Variants in RNF13 observed in about 807,000 individuals in gnomAD.
The protein encoded by RNF13 is E3 ubiquitin-protein ligase RNF13.
In RNF13, 19 loss-of-function variants were observed where a neutral mutation model predicts 37.7. The ratio of observed to expected loss-of-function variants is 0.50; its 90% CI spans 0.35 to 0.74. The LOEUF (loss-of-function observed/expected upper bound fraction) is 0.74. RNF13 is among the 30% of genes least tolerant of loss of function. The pLI, the probability that RNF13 is intolerant of heterozygous loss-of-function variation, is 0.01. For synonymous variants in RNF13, 144 were observed against 157.8 expected (o/e 0.91, Z 0.65); for missense variants, 375 against 453.0 (o/e 0.83, Z 1.56).
intron 3 of RNF13, among the ~76,000 whole-genome samples, chr3:149,867,601 CTGTTT>C (rs1472251122): frequency 6.6e-6 from 1 of 151,662 alleles, no homozygotes; most frequent in East Asian, 1.9e-4. Flanking sequence ...GATTTGTAGT[CTGTTT>C]TATCTGATGT....
chr3:149,941,448 A>T (rs1720260023), intron 8 of RNF13, among the ~76,000 whole-genome samples: 1 of 151,784 alleles, frequency 6.6e-6, no homozygotes, highest in Non-Finnish European at 1.5e-5. Context: ...GATGATGAGC[A>T]TCTTTTCAAG....
intron 5 of RNF13, among the ~76,000 whole-genome samples, chr3:149,898,064 A>G (rs1715454405): frequency 6.6e-6 from 1 of 152,206 alleles, no homozygotes; most frequent in African/African-American, 2.4e-5. Flanking sequence ...GCCCTCAGGA[A>G]AGTTACTTAA....
At chr3:149,858,194 C>G (rs976648076) in intron 3 of RNF13, among the ~76,000 whole-genome samples, 1 of 152,166 alleles carries the variant, frequency 6.6e-6, no homozygotes, top group African/African-American at 2.4e-5. Flanking sequence ...CCTGCACAAC[C>G]ATGAGCTAAA....
chr3:149,880,477 T>G (rs1273353109), intron 4 of RNF13, among the ~76,000 whole-genome samples: 1 of 152,180 alleles, frequency 6.6e-6, no homozygotes, highest in African/African-American at 2.4e-5. Context: ...GTATAGTTTA[T>G]TTTAACTGGT....
In RNF13 at chr3:149,835,217, A is replaced by G. The variant is rs538302494; in HGVS notation, c.-16-10794A>G. On this transcript the variant is annotated intron_variant, in intron 1 of 9. Coordinates refer to ENST00000392894, the MANE Select transcript of RNF13 (RefSeq NM_183381.3). ...TTGTGCATTGAAGGACAGTACCAAC[A>G]GGGTGAAAAAAATGAGAGAAAATAC... 1.5e-4 allele frequency among the ~76,000 whole-genome samples: 23 copies of G among 152,354 alleles called. No homozygotes were observed. In the East Asian group the frequency reaches 4.0e-3, roughly 27 times the overall value.
chr3:149,935,538 G>C (rs891780095), intron 8 of RNF13, among the ~76,000 whole-genome samples: 1 of 151,030 alleles, frequency 6.6e-6, no homozygotes, highest in East Asian at 1.9e-4. Context: ...TTTATTTTTA[G>C]TGTTACCTAT....
chr3:149,872,367 G>A (rs1712170242), intron 4 of RNF13, among the ~76,000 whole-genome samples: 1 of 152,150 alleles, frequency 6.6e-6, no homozygotes, highest in African/African-American at 2.4e-5. Context: ...ACAGTGGAAT[G>A]TTACTTGATC....
chr3:149,951,372 T>C (rs1223084450), intron 8 of RNF13, among the ~76,000 whole-genome samples: 1 of 152,226 alleles, frequency 6.6e-6, no homozygotes, highest in Non-Finnish European at 1.5e-5. Flanking sequence ...ACCATGGCTA[T>C]GGTTCCTAAG....
In RNF13 at chr3:149,926,052, G is replaced by A. The variant is rs553395686; in HGVS notation, c.700+4825G>A. ...ATGCCCGTGTGTCTGTTTCATATAT[G>A]GGAGGAATTCTTTATATGTTCCTAC... On this transcript the variant is annotated intron_variant, in intron 8 of 9. Transcript: ENST00000392894. Among the ~76,000 whole-genome samples the A allele has an allele frequency of 6.6e-4, 101 of 152,250 alleles. 1 individual carries two copies. Among genetic ancestry groups the A allele is most frequent in the African/African-American group, 2.4e-3 (98 of 41,544 alleles).
chr3:149,937,915 TGAA>T (rs1003531877), intron 8 of RNF13, among the ~76,000 whole-genome samples: 1 of 152,044 alleles, frequency 6.6e-6, no homozygotes, highest in African/African-American at 2.4e-5. Context: ...TGTTGGATGA[TGAA>T]GTAGTGTGTA....
intron 8 of RNF13, among the ~76,000 whole-genome samples, chr3:149,928,455 T>A (rs1281666013): frequency 2.6e-5 from 4 of 152,138 alleles, no homozygotes; most frequent in Non-Finnish European, 5.9e-5. Context: ...ATCTTGGCAC[T>A]CTCATCAAAA....
At chr3:149,818,866 G>A (rs1463936978) in intron 1 of RNF13, among the ~76,000 whole-genome samples, 4 of 152,014 alleles carry the variant, frequency 2.6e-5, no homozygotes, top group East Asian at 1.9e-4. Flanking sequence ...AGCCAAGACC[G>A]CGGCACTGTA....
intron 8 of RNF13, among the ~76,000 whole-genome samples, chr3:149,932,950 C>T (rs779194298): frequency 4.6e-5 from 7 of 152,262 alleles, no homozygotes; most frequent in Non-Finnish European, 8.8e-5. Flanking sequence ...GGACAGACTT[C>T]TGCCTGGGAC....
intron 6 of RNF13, among the ~76,000 whole-genome samples, chr3:149,905,283 A>T (rs1716276352): frequency 6.6e-6 from 1 of 152,338 alleles, no homozygotes; most frequent in South Asian, 2.1e-4. Context: ...CTAATCAGAT[A>T]GGTGAGAAAT....
chr3:149,938,138 G>T (rs1210210904), intron 8 of RNF13, among the ~76,000 whole-genome samples: 2 of 151,168 alleles, frequency 1.3e-5, no homozygotes, highest in Non-Finnish European at 3.0e-5. Context: ...ATTAAATATT[G>T]TTATATATAT....
intron 7 of RNF13, among the ~76,000 whole-genome samples, chr3:149,913,508 C>T (rs530470298): frequency 6.6e-6 from 1 of 152,276 alleles, no homozygotes; most frequent in Admixed American, 6.5e-5. Context: ...TAACTAAACT[C>T]CACATTTTGG....
intron 2 of RNF13, among the ~76,000 whole-genome samples, chr3:149,847,706 C>A (rs75449700): frequency 0.017 from 2,579 of 152,266 alleles, 82 homozygotes; most frequent in African/African-American, 0.058. Flanking sequence ...TCCCTAAAAT[C>A]CTTAGAATAT....
At chr3:149,908,553 GA>G (rs1716661300) in intron 6 of RNF13, among the ~76,000 whole-genome samples, 1 of 152,164 alleles carries the variant, frequency 6.6e-6, no homozygotes, top group Non-Finnish European at 1.5e-5. Context: ...AGTAAATGGG[GA>G]CACAGAGCCT....
At chr3:149,924,746 A>G (rs1388720935) in intron 8 of RNF13, among the ~76,000 whole-genome samples, 1 of 152,200 alleles carries the variant, frequency 6.6e-6, no homozygotes, top group Non-Finnish European at 1.5e-5. Context: ...AAGTTTAACT[A>G]AAAAAGGGAG....
Sources: gnomAD v4.1 joint callset for allele counts (sites outside exome capture counted in the v4.1 genomes callset) on GRCh38, gnomAD v4.1.1 for gene constraint, MANE v1.5 for transcripts, NCBI Gene and HGNC (gene_info 2026-07-23, HGNC 2026-07-21) for gene names.